LINGO1: variants seen among roughly 807,000 people sequenced by gnomAD.
LINGO1 encodes the protein leucine rich repeat and Ig domain containing 1.
LINGO1 carries 11 observed loss-of-function variants against 37.3 expected under a neutral mutation model. That is an observed-to-expected ratio of 0.29 (90% confidence interval 0.19 to 0.49). The LOEUF (loss-of-function observed/expected upper bound fraction) is 0.49. Ranked by LOEUF, LINGO1 falls within the 20% of genes least tolerant of loss-of-function variation. The probability of loss-of-function intolerance (pLI) is 0.99; values close to 1 mark genes in which losing one functional copy is unlikely to be tolerated. For synonymous variants in LINGO1, 387 were observed against 403.0 expected, an observed-to-expected ratio of 0.96 and a Z score of 0.48; for missense variants, 585 against 878.2, an observed-to-expected ratio of 0.67 and a Z score of 4.22.
Position 77,615,027 on chromosome 15 carries a change from G to C in LINGO1, c.880C>G (p.Leu294Val). 1 of 1,614,060 alleles carries C rather than the reference G, an allele frequency of 6.2e-7. No homozygotes were observed. The highest frequency in any genetic ancestry group is 1.1e-5 in the South Asian group (1 of 91,082). The change falls in exon 2 of 2, where the codon CTC (leucine) becomes GTC (valine). Residue 294 changes from leucine (L) to valine (V), a missense_variant. Transcript: ENST00000355300. ...ATGGTGCTGATGGGGTTGTAGGAGA[G>C]GTTGAGGAAGCGGAGATAGACTAGG... is the stretch of plus-strand genomic sequence containing the variant. The part of the protein sequence containing the change: ...RHLVYLRFLN[L>V]SYNPISTIEG...
At chr15:77,691,759 G>A (rs950214829) in intron 1 of LINGO1, among the ~76,000 whole-genome samples, 2 of 152,012 alleles carry the variant, frequency 1.3e-5, no homozygotes, top group Non-Finnish European at 2.9e-5. Flanking sequence ...CCTGCCAAGA[G>A]AGTATTACAC....
intron 1 of LINGO1, among the ~76,000 whole-genome samples, chr15:77,812,843 A>AG (rs2077017080): frequency 6.6e-6 from 1 of 152,230 alleles, no homozygotes; most frequent in Non-Finnish European, 1.5e-5. Flanking sequence ...AGGGACAGGG[A>AG]GGGCCGTATC....
chr15:77,699,715 A>ACCACCTG (rs1567532183), upstream of LINGO1, among the ~76,000 whole-genome samples: 11 of 5,984 alleles, frequency 1.8e-3, no homozygotes, highest in South Asian at 6.2e-3. Flanking sequence ...CATCATTCCC[A>ACCACCTG]CACACAATAA....
At chr15:77,723,404 C>T (rs547832995) in intron 2 of LINGO1, among the ~76,000 whole-genome samples, 74 of 152,278 alleles carry the variant, frequency 4.9e-4, no homozygotes, top group South Asian at 1.7e-3. Flanking sequence ...ATTTCTGTGG[C>T]CAGGATGAAG....
intron 1 of LINGO1, among the ~76,000 whole-genome samples, chr15:77,815,266 T>TGCAGAGGC (rs1470073535): frequency 2.0e-5 from 3 of 152,142 alleles, no homozygotes; most frequent in Admixed American, 2.0e-4. Context: ...GGACGTCCTC[T>TGCAGAGGC]GCAGAGGCCC....
chr15:77,724,927 G>A (rs1219931096), intron 2 of LINGO1, among the ~76,000 whole-genome samples: 3 of 152,194 alleles, frequency 2.0e-5, no homozygotes, highest in East Asian at 1.9e-4. Flanking sequence ...CTTCCCAGAC[G>A]GTGTGTGGAC....
chr15:77,711,342 C>T (rs911362171), intron 2 of LINGO1, among the ~76,000 whole-genome samples: 29 of 152,232 alleles, frequency 1.9e-4, no homozygotes, highest in African/African-American at 6.8e-4. Flanking sequence ...CCTGTGTCAC[C>T]TCTGTGTCCC....
intron 2 of LINGO1, among the ~76,000 whole-genome samples, chr15:77,726,117 C>T (rs2076099396): frequency 1.3e-5 from 2 of 152,204 alleles, no homozygotes; most frequent in Admixed American, 1.3e-4. Flanking sequence ...GAGGCCACAG[C>T]CCTAAGCTGC....
intron 2 of LINGO1, among the ~76,000 whole-genome samples, chr15:77,726,088 C>T (rs149584106): frequency 2.7e-3 from 414 of 152,338 alleles, no homozygotes; most frequent in Non-Finnish European, 4.2e-3. Context: ...TCTGAGTCAT[C>T]GGAAGATTAG....
intron 1 of LINGO1, among the ~76,000 whole-genome samples, chr15:77,742,380 G>A (rs2076273199): frequency 6.6e-6 from 1 of 152,214 alleles, no homozygotes; most frequent in East Asian, 1.9e-4. Context: ...CACTTCCTGA[G>A]CACTTCCAGG....
chr15:77,667,924 T>G, intron 3 of LINGO1: 1 of 153,060 alleles, frequency 6.5e-6, no homozygotes, highest in East Asian at 1.8e-4. Context: ...TTCTCTCCAC[T>G]GAGGGCCCAG....
At chr15:77,781,504 G>A (rs957451589) in intron 1 of LINGO1, among the ~76,000 whole-genome samples, 11 of 152,216 alleles carry the variant, frequency 7.2e-5, no homozygotes, top group African/African-American at 2.7e-4. Flanking sequence ...AATTAGAAGT[G>A]CCCTAGAGGA....
chr15:77,674,465 G>A (rs754843216), intron 3 of LINGO1, among the ~76,000 whole-genome samples: 4 of 152,072 alleles, frequency 2.6e-5, no homozygotes, highest in South Asian at 2.1e-4. Context: ...TCCTCCAGGC[G>A]GCCTGCAGGC....
intron 1 of LINGO1, among the ~76,000 whole-genome samples, chr15:77,618,951 T>C (rs185955644): frequency 3.5e-4 from 53 of 152,012 alleles, no homozygotes; most frequent in African/African-American, 1.1e-3. Flanking sequence ...CTCATTCCCA[T>C]AGTGATTTGA....
intron 1 of LINGO1, among the ~76,000 whole-genome samples, chr15:77,740,007 C>T (rs34793285): frequency 6.6e-6 from 1 of 152,242 alleles, no homozygotes; most frequent in African/African-American, 2.4e-5. Context: ...AGCTGGGGAC[C>T]TAGGGGATCA....
At chr15:77,750,484 C>T (rs2076360215) in intron 1 of LINGO1, among the ~76,000 whole-genome samples, 1 of 152,222 alleles carries the variant, frequency 6.6e-6, no homozygotes, top group South Asian at 2.1e-4. Context: ...TCAGGGTCCC[C>T]AGCTGCAAAG....
intron 3 of LINGO1, among the ~76,000 whole-genome samples, chr15:77,657,793 G>C (rs1165798953): frequency 6.6e-6 from 1 of 152,184 alleles, no homozygotes; most frequent in Non-Finnish European, 1.5e-5. Context: ...TGGAGGCTCC[G>C]CCGCGGGGGC....
intron 2 of LINGO1, among the ~76,000 whole-genome samples, chr15:77,706,262 C>T (rs2075851184): frequency 6.6e-6 from 1 of 152,124 alleles, no homozygotes; most frequent in African/African-American, 2.4e-5. Flanking sequence ...CCCCACCCAA[C>T]CCGGCACCTG....
intron 2 of LINGO1, among the ~76,000 whole-genome samples, chr15:77,701,966 A>ACT (rs2075789369): frequency 6.6e-6 from 1 of 152,182 alleles, no homozygotes; most frequent in Non-Finnish European, 1.5e-5. Flanking sequence ...TTTAAGAGAG[A>ACT]TGAAGGCCCA....
Sources: allele counts gnomAD v4.1 joint callset (sites outside exome capture counted in the v4.1 genomes callset), GRCh38; gene constraint gnomAD v4.1.1; transcripts MANE v1.5; gene names NCBI Gene and HGNC (gene_info 2026-07-23, HGNC 2026-07-21).